The following AFF3 variants were observed in gnomAD, a reference collection of about 807,000 sequenced individuals.
AFF3 encodes the protein AF4/FMR2 family member 3.
AFF3 carries 32 observed loss-of-function variants against 129.7 expected under a neutral mutation model. The observed-to-expected ratio is 0.25, with a 90% confidence interval of 0.19 to 0.33. AFF3 has a LOEUF of 0.33. Among genes scored for constraint, AFF3 ranks in the 10% least tolerant of loss-of-function variants. The pLI, the probability that AFF3 is intolerant of heterozygous loss-of-function variation, is 1.00. For synonymous variants in AFF3, 644 were observed against 635.4 expected, an observed-to-expected ratio of 1.01 and a Z score of -0.20; for missense variants, 1,373 against 1,592.0, an observed-to-expected ratio of 0.86 and a Z score of 2.34.
rs1434062146 is a variant in AFF3, at chr2:99,593,458, C to G, written c.2203G>C (p.Ala735Pro). The change falls in exon 15 of 25, where the codon GCC becomes CCC. Residue 735 changes from alanine to proline, a missense_variant. Physicochemically the swap from Ala to Pro is conservative, Grantham distance 27. Around this residue, in one of 9 missense-constraint regions of AFF3, gnomAD observed 466 missense variants for 505.0 expected, o/e 0.92. Transcript: ENST00000672756. ...SINARTTSDI[A>P]KELEEQFYTL... Reference sequence around the variant, plus strand: ...TAGAACTGCTCCTCCAGCTCCTTGGCGATGTCACTGGTGGTCCTGGCGTTG... The same window carrying G: ...TAGAACTGCTCCTCCAGCTCCTTGGGGATGTCACTGGTGGTCCTGGCGTTG... The G allele has an allele frequency of 6.2e-7, 1 of 1,613,848 alleles. No homozygotes were observed. Among genetic ancestry groups the G allele is most frequent in the South Asian group, 1.1e-5 (1 of 91,072 alleles).
chr2:99,652,429 T>C (rs955481682), intron 12 of AFF3, among the ~76,000 whole-genome samples: 13 of 152,120 alleles, frequency 8.5e-5, no homozygotes, highest in South Asian at 2.1e-4. Context: ...TAATGAAGAA[T>C]TGTCCCCTTA....
intron 13 of AFF3, among the ~76,000 whole-genome samples, chr2:99,610,692 G>C (rs1327787900): frequency 6.6e-6 from 1 of 151,998 alleles, no homozygotes; most frequent in Non-Finnish European, 1.5e-5. Flanking sequence ...CATTTCTCTG[G>C]GACACTGCTT....
intron 8 of AFF3, among the ~76,000 whole-genome samples, chr2:99,820,410 T>C (rs1289300359): frequency 6.6e-6 from 1 of 152,046 alleles, no homozygotes; most frequent in Non-Finnish European, 1.5e-5. Context: ...TCCATCTGTA[T>C]AGGGCTTTTT....
At chr2:99,618,893 G>GATTCATTCATTCATTCATTC (rs112677518) in intron 13 of AFF3, among the ~76,000 whole-genome samples, 74 of 149,960 alleles carry the variant, frequency 4.9e-4, no homozygotes, top group African/African-American at 1.1e-3. Context: ...AGCTCTGATC[G>GATTCATTCATTCATTCATTC]ATTCATTCAT....
intron 4 of AFF3, among the ~76,000 whole-genome samples, chr2:100,101,044 G>C (rs576787576): frequency 1.1e-3 from 161 of 152,306 alleles, no homozygotes; most frequent in Middle Eastern, 0.01. Context: ...AGTGGAATTA[G>C]AGGTGGAAAT....
intron 7 of AFF3, among the ~76,000 whole-genome samples, chr2:99,893,973 G>A (rs1412171522): frequency 1.3e-5 from 2 of 152,058 alleles, no homozygotes; most frequent in Non-Finnish European, 1.5e-5. Flanking sequence ...GCTAATAACC[G>A]GCCTTCTCTC....
At chr2:99,587,040 C>T in intron 16 of AFF3, 114 bp downstream of exon 16, 4 of 1,418,174 alleles carry the variant, frequency 2.8e-6, no homozygotes, top group East Asian at 2.3e-5. Context: ...AGCAAGTCTG[C>T]AGACCTTGAC....
intron 9 of AFF3, among the ~76,000 whole-genome samples, chr2:99,751,609 T>C (rs1016144480): frequency 2.6e-5 from 4 of 152,180 alleles, no homozygotes; most frequent in African/African-American, 9.7e-5. Flanking sequence ...TGTTGAGATT[T>C]TGGTCTCTTC....
At chr2:99,584,799 C>T (rs1677929858) in intron 16 of AFF3, among the ~76,000 whole-genome samples, 1 of 152,164 alleles carries the variant, frequency 6.6e-6, no homozygotes, top group Admixed American at 6.5e-5. Context: ...AAGATTTACT[C>T]ATTATTCTTG....
At chr2:99,632,095 AG>A (rs2105399214) in intron 13 of AFF3, among the ~76,000 whole-genome samples, 1 of 134,068 alleles carries the variant, frequency 7.5e-6, no homozygotes, top group East Asian at 2.3e-4. Flanking sequence ...AGCTCACTGC[AG>A]CCTCCACCTC....
chr2:99,801,866 T>C (rs1191486673), intron 8 of AFF3, among the ~76,000 whole-genome samples: 1 of 152,222 alleles, frequency 6.6e-6, no homozygotes, highest in Non-Finnish European at 1.5e-5. Flanking sequence ...AGTTCCATTA[T>C]TTTCTGTAAG....
chr2:99,652,924 C>T (rs913162857), intron 12 of AFF3, among the ~76,000 whole-genome samples: 2 of 152,266 alleles, frequency 1.3e-5, no homozygotes, highest in East Asian at 1.9e-4. Flanking sequence ...GAGGGAGCAG[C>T]GAGAGGCAGG....
chr2:99,578,263 C>T (rs1192595540), intron 18 of AFF3, 64 bp downstream of exon 18: 4 of 1,506,132 alleles, frequency 2.7e-6, no homozygotes, highest in Admixed American at 5.0e-5. Context: ...GCCCATGCCC[C>T]TTCCACCTGA....
At chr2:99,618,029 C>T (rs943377541) in intron 13 of AFF3, among the ~76,000 whole-genome samples, 11 of 151,988 alleles carry the variant, frequency 7.2e-5, no homozygotes, top group East Asian at 1.9e-4. Context: ...CATTTTGCCC[C>T]GTGAGGCAGG....
At chr2:100,115,851 A>G (rs1691714824) in intron 2 of AFF3, among the ~76,000 whole-genome samples, 1 of 152,212 alleles carries the variant, frequency 6.6e-6, no homozygotes, top group South Asian at 2.1e-4. Flanking sequence ...TATTTTTGCC[A>G]GGTTTAAAAT....
At chr2:99,941,723 C>T (rs2106344095) in intron 7 of AFF3, among the ~76,000 whole-genome samples, 1 of 152,292 alleles carries the variant, frequency 6.6e-6, no homozygotes, top group South Asian at 2.1e-4. Flanking sequence ...TTCCTCCTTC[C>T]TATCAGGAAT....
Position 99,601,566 on chromosome 2 carries a change from T to A in AFF3, c.1240A>T (p.Ser414Cys). 1.2e-6 allele frequency: 2 copies of A among 1,600,844 alleles called. No homozygotes were observed. The highest frequency in any genetic ancestry group is 1.7e-6 in the Non-Finnish European group (2 of 1,176,386). ...CTGCTGCCGCTGCTGCTGCTGCTGC[T>A]GCTGCCCTTGCTGGAAGGCACCGAG... Reference protein sequence around the residue: ...RTSVPSSKGSSSSSSSGSSSS... With the variant: ...RTSVPSSKGSCSSSSSGSSSS... The change falls in exon 14 of 25, where the codon AGC becomes TGC. Residue 414 changes from serine to cysteine, a missense_variant. By Grantham distance (112) the Ser-to-Cys change is moderately radical. Transcript: ENST00000672756.
intron 7 of AFF3, among the ~76,000 whole-genome samples, chr2:99,932,581 C>T (rs530483218): frequency 2.0e-5 from 3 of 152,202 alleles, no homozygotes; most frequent in East Asian, 1.9e-4. Context: ...CCAGTGCTGA[C>T]GTCCTTCGCT....
At chr2:99,933,558 A>C (rs1392424550) in intron 7 of AFF3, among the ~76,000 whole-genome samples, 1 of 150,692 alleles carries the variant, frequency 6.6e-6, no homozygotes, top group South Asian at 2.1e-4. Context: ...ATGTGTTCTC[A>C]TTGTTCAGCT....
Sources: gnomAD v4.1 joint callset for allele counts (sites outside exome capture counted in the v4.1 genomes callset) on GRCh38, gnomAD v4.1.1 for gene constraint, gnomAD v4.1.1 regional missense constraint, MANE v1.5 for transcripts, NCBI Gene and HGNC (gene_info 2026-07-23, HGNC 2026-07-21) for gene names.